The following SNX33 variants were observed in gnomAD, a reference collection of about 807,000 sequenced individuals.
SNX33 encodes the protein sorting nexin-33.
In SNX33, 19 loss-of-function variants were observed where a neutral mutation model predicts 38.8. The ratio of observed to expected loss-of-function variants is 0.49; its 90% CI spans 0.34 to 0.72. The LOEUF (loss-of-function observed/expected upper bound fraction) is 0.72. SNX33 is among the 30% of genes least tolerant of loss of function. The pLI, the probability that SNX33 is intolerant of heterozygous loss-of-function variation, is 0.01. For missense variants in SNX33, 641 were observed against 776.4 expected, an observed-to-expected ratio of 0.83 and a Z score of 2.07; for synonymous variants, 246 against 289.7, an observed-to-expected ratio of 0.85 and a Z score of 1.53.
At chr15:75,655,543 G>T (rs553205750) in intron 1 of SNX33, among the ~76,000 whole-genome samples, 1 of 152,192 alleles carries the variant, frequency 6.6e-6, no homozygotes, top group African/African-American at 2.4e-5. Context: ...ACTATTAGCC[G>T]ATTAGCCATG....
Position 75,648,664 on chromosome 15 carries a change from G to A in SNX33, c.-439G>A, listed in dbSNP as rs935743794. The A allele has an allele frequency of 7.9e-5, 35 of 441,866 alleles. No homozygotes were observed. Among genetic ancestry groups the A allele is most frequent in the African/African-American group, 7.3e-4 (34 of 46,510 alleles). 27.4% of individuals were successfully genotyped at this position (441,866 alleles called of 1,614,324 possible). ...CCAGAGGGACAGCCGAGCCCTGCCC[G>A]GGTTTCTGGAATGGTGGTTTCAGAG... On this transcript the variant is annotated 5_prime_UTR_variant, in exon 1 of 2. Transcript: ENST00000308527. The surrounding 1 kb of genome is among the most constrained non-coding windows in gnomAD (Gnocchi z 4.4).
chr15:75,654,115 A>G (rs1272083126), intron 1 of SNX33, among the ~76,000 whole-genome samples: 2 of 151,116 alleles, frequency 1.3e-5, no homozygotes, highest in Non-Finnish European at 1.5e-5. Flanking sequence ...AAAAAAAAAA[A>G]GAAAAGAAAA....
chr15:75,657,137 C>T lies in SNX33; in HGVS notation c.1647C>T (p.Tyr549=), dbSNP rs558501576. The change falls in exon 2 of 2, where the codon TAC becomes TAT. Residue 549 remains tyrosine, a synonymous_variant. Transcript: ENST00000308527. The surrounding 1 kb of genome is among the most constrained non-coding windows in gnomAD (Gnocchi z 5.5). ...ELDFKHMMQN[Y]LRQQILFYQR... ...ACTTCAAGCACATGATGCAGAACTA[C>T]TTGCGCCAGCAGATCCTCTTCTACC... 21 of 1,614,190 alleles carry T rather than the reference C, an allele frequency of 1.3e-5. No individual in the cohort carries two copies. The South Asian group carries it at 1.8e-4, about 14-fold the overall frequency.
intron 1 of SNX33, among the ~76,000 whole-genome samples, chr15:75,654,588 C>A (rs1489160660): frequency 6.6e-6 from 1 of 152,212 alleles, no homozygotes; most frequent in East Asian, 1.9e-4. Context: ...AGTGCTGAGG[C>A]AGGAGGTCCC....
chr15:75,656,861 G>A (rs1023746281), intron 1 of SNX33, 101 bp from the exon 2 acceptor site: 10 of 1,494,072 alleles, frequency 6.7e-6, no homozygotes, highest in African/African-American at 4.2e-5. Context: ...CAGGAATGAC[G>A]TCCGAGTTGA....
chr15:75,648,060 A>G lies in SNX33; in HGVS notation c.-1043A>G. The G allele has an allele frequency of 1.0e-6, 1 of 985,424 alleles. No homozygotes were observed. Among genetic ancestry groups the G allele is most frequent in the Non-Finnish European group, 1.2e-6 (1 of 829,940 alleles). 61.0% of individuals were successfully genotyped at this position (985,424 alleles called of 1,614,324 possible). On this transcript the variant is annotated 5_prime_UTR_variant, in exon 1 of 2. Transcript: ENST00000308527. This position sits in a 1 kb window ranked among gnomAD's most constrained non-coding sequence, Gnocchi z 4.4. ...GGACGGACAGACGGCTGGCCGCGCC[A>G]TCTGCTCGCCGGAGCTCACTCTCCA... is the stretch of plus-strand genomic sequence containing the variant.
rs1270828962 is a variant in SNX33 at position 75,657,319 on chromosome 15, G to A, written c.*104G>A. On this transcript the variant is annotated 3_prime_UTR_variant, in exon 2 of 2. Transcript: ENST00000308527. The surrounding 1 kb of genome is among the most constrained non-coding windows in gnomAD (Gnocchi z 5.5). ...GCAGTGACTGGGGGAGGGGTCAGCG[G>A]TGGGGGAGATAAGCGGCCTGTCCTG... is the stretch of plus-strand genomic sequence containing the variant. 55 of 1,548,368 alleles carry A rather than the reference G, an allele frequency of 3.6e-5. No homozygotes were observed. The highest frequency in any genetic ancestry group is 4.8e-5 in the Non-Finnish European group (55 of 1,145,410).
rs1343331765 is a variant in SNX33 at position 75,648,176 on chromosome 15, C to T, written c.-927C>T. On this transcript the variant is annotated 5_prime_UTR_variant, in exon 1 of 2. Transcript: ENST00000308527. The surrounding 1 kb of genome is among the most constrained non-coding windows in gnomAD (Gnocchi z 4.4). ...GAGGAACCGGTTTCTGCTGGGGTTACCTTTGGACGGGGTTCCTGGGATTCA... is the reference window on the plus strand; with the variant it reads ...GAGGAACCGGTTTCTGCTGGGGTTATCTTTGGACGGGGTTCCTGGGATTCA... 3.0e-6 allele frequency: 3 copies of T among 985,470 alleles called. No homozygotes were observed. The highest frequency in any genetic ancestry group is 3.5e-5 in the African/African-American group (2 of 57,240). 61.0% of individuals were successfully genotyped at this position (985,470 alleles called of 1,614,324 possible).
At chr15:75,653,438 G>A (rs774980209) in intron 1 of SNX33, among the ~76,000 whole-genome samples, 14 of 152,220 alleles carry the variant, frequency 9.2e-5, no homozygotes, top group South Asian at 2.1e-4. Context: ...AGCGGGGCTG[G>A]TCCTAAGGCT....
intron 1 of SNX33, among the ~76,000 whole-genome samples, chr15:75,655,982 T>C (rs1893648512): frequency 6.6e-6 from 1 of 152,228 alleles, no homozygotes; most frequent in Non-Finnish European, 1.5e-5. Flanking sequence ...GAACTGAAAT[T>C]CATTCACCAG....
At chr15:75,655,285 G>A (rs1893639957) in intron 1 of SNX33, among the ~76,000 whole-genome samples, 1 of 152,236 alleles carries the variant, frequency 6.6e-6, no homozygotes, top group Non-Finnish European at 1.5e-5. Context: ...AGGTGGAATC[G>A]AGGGTTGGAC....
At position 75,650,819 on chromosome 15, in the gene SNX33, C is replaced by T. The variant is rs954187586; in HGVS notation, c.1471+246C>T. On this transcript the variant is annotated intron_variant, in intron 1 of 1. Coordinates refer to ENST00000308527, the MANE Select transcript of SNX33 (RefSeq NM_153271.2). This position sits in a 1 kb window ranked among gnomAD's most constrained non-coding sequence, Gnocchi z 6.1. ...GACTACAGTGAGCCCGATTGTGCCA[C>T]TGCACTCCAGCCTGGGTGACAGAGT... 6.6e-6 allele frequency among the ~76,000 whole-genome samples: 1 copy of T among 152,180 alleles called. No individual in the cohort carries two copies. The highest frequency in any genetic ancestry group is 6.5e-5 in the Admixed American group (1 of 15,280).
rs908591766 is a variant in SNX33, at chr15:75,648,221, C to T, written c.-882C>T. The T allele has an allele frequency of 7.1e-6, 7 of 985,468 alleles. No homozygotes were observed. Among genetic ancestry groups the T allele is most frequent in the Admixed American group, 6.1e-5 (1 of 16,286 alleles). The allele number at this position is 985,468 out of a possible 1,614,324, so 61.0% of individuals were successfully genotyped here. A position where few individuals can be genotyped will look rare whatever the true frequency, so the allele number is the denominator to read the frequency against. On this transcript the variant is annotated 5_prime_UTR_variant, in exon 1 of 2. Coordinates refer to ENST00000308527, the MANE Select transcript of SNX33 (RefSeq NM_153271.2). The surrounding 1 kb of genome is among the most constrained non-coding windows in gnomAD (Gnocchi z 4.4). ...GATTCAGAGCAGGGTCAGCGTCAGG[C>T]TCAGAAACTGCTGAGGAATTAGGCA...
intron 1 of SNX33, among the ~76,000 whole-genome samples, chr15:75,653,866 G>A (rs1418287271): frequency 6.6e-6 from 1 of 152,102 alleles, no homozygotes; most frequent in Non-Finnish European, 1.5e-5. Context: ...TTGGGAGGCC[G>A]AAGTGGGCGG....
chr15:75,652,300 G>A (rs1893594570), intron 1 of SNX33, among the ~76,000 whole-genome samples: 1 of 152,230 alleles, frequency 6.6e-6, no homozygotes, highest in Non-Finnish European at 1.5e-5. Context: ...GTAGGGCAGG[G>A]GAGGTGGCCA....
rs151223588 is a variant in SNX33 at position 75,649,484 on chromosome 15, G to A, written c.382G>A (p.Glu128Lys). Residue 128 changes from glutamate (E) to lysine (K), a missense_variant, in exon 1 of 2, where the codon GAG (glutamate) becomes AAG (lysine). By Grantham distance (56) the Glu-to-Lys change is moderately conservative. Around this residue, in one of 2 missense-constraint regions of SNX33, gnomAD observed 243 missense variants for 233.9 expected, o/e 1.04. Coordinates refer to ENST00000308527, the MANE Select transcript of SNX33 (RefSeq NM_153271.2). This position sits in a 1 kb window ranked among gnomAD's most constrained non-coding sequence, Gnocchi z 6.6. The part of the protein sequence containing the change: ...DDWDDGCTVV[E>K]EPRAGGLGTN... ...CTGGGACGACGGATGCACAGTGGTG[G>A]AGGAGCCACGGGCTGGTGGGCTGGG... The A allele has an allele frequency of 3.3e-5, 51 of 1,551,758 alleles. No individual in the cohort carries two copies. In the African/African-American group the frequency reaches 6.8e-4, roughly 21 times the overall value.
intron 1 of SNX33, among the ~76,000 whole-genome samples, chr15:75,655,477 G>A (rs1047024707): frequency 2.0e-5 from 3 of 152,204 alleles, no homozygotes; most frequent in African/African-American, 7.2e-5. Flanking sequence ...TCTTTTGGGC[G>A]CTGTGTGAGC....
chr15:75,653,411 A>G (rs894700599), intron 1 of SNX33, among the ~76,000 whole-genome samples: 1 of 152,246 alleles, frequency 6.6e-6, no homozygotes, highest in African/African-American at 2.4e-5. Flanking sequence ...TGGACCCCCA[A>G]CTTGACAGCC....
chr15:75,656,413 C>T (rs1413966872), intron 1 of SNX33, among the ~76,000 whole-genome samples: 1 of 152,130 alleles, frequency 6.6e-6, no homozygotes. Flanking sequence ...GGTGAGGGCC[C>T]CCCAGGCCAG....
Sources: gnomAD v4.1 joint callset for allele counts (sites outside exome capture counted in the v4.1 genomes callset) on GRCh38, gnomAD v4.1.1 for gene constraint, gnomAD v4.1.1 regional missense constraint, Gnocchi (gnomAD v3.1) non-coding constraint, MANE v1.5 for transcripts, NCBI Gene and HGNC (gene_info 2026-07-23, HGNC 2026-07-21) for gene names.